Variants in TRIM24 observed in about 807,000 individuals in gnomAD.
TRIM24 encodes tripartite motif containing 24.
A neutral mutation model predicts 123.9 loss-of-function variants in TRIM24; 29 were observed. That is an observed-to-expected ratio of 0.23 (90% confidence interval 0.17 to 0.32). TRIM24 has a LOEUF of 0.32. TRIM24 is among the 10% of genes least tolerant of loss of function. The probability of loss-of-function intolerance (pLI) is 1.00; values close to 1 mark genes in which losing one functional copy is unlikely to be tolerated. For synonymous variants in TRIM24, 456 were observed against 461.1 expected, an observed-to-expected ratio of 0.99 and a Z score of 0.14; for missense variants, 932 against 1,295.3, an observed-to-expected ratio of 0.72 and a Z score of 4.31.
chr7:138,517,052 C>T (rs1170261957), intron 3 of TRIM24, among the ~76,000 whole-genome samples: 2 of 151,268 alleles, frequency 1.3e-5, no homozygotes, highest in Non-Finnish European at 1.5e-5. Context: ...CTGCAGTGAC[C>T]TGTGATAATT....
At chr7:138,551,678 C>G (rs1797216372) in intron 8 of TRIM24, among the ~76,000 whole-genome samples, 1 of 152,080 alleles carries the variant, frequency 6.6e-6, no homozygotes, top group Admixed American at 6.5e-5. Flanking sequence ...TGTCCTATTC[C>G]CTTAACCCCC....
chr7:138,558,445 A>C (rs1321611318), intron 9 of TRIM24, among the ~76,000 whole-genome samples: 1 of 152,160 alleles, frequency 6.6e-6, no homozygotes, highest in African/African-American at 2.4e-5. Flanking sequence ...GTCAGAGTAA[A>C]GTTACCTTGG....
At chr7:138,501,974 TTCTAGTACTGAAAAAAA>T (rs1796050048) in intron 1 of TRIM24, among the ~76,000 whole-genome samples, 1 of 152,168 alleles carries the variant, frequency 6.6e-6, no homozygotes, top group Non-Finnish European at 1.5e-5. Flanking sequence ...TGCTTTGTTT[TTCTAGTACTGAAAAAAA>T]AGGTACATCT....
chr7:138,535,205 GCCCAT>G lies in TRIM24; in HGVS notation c.997-3451_997-3447del, dbSNP rs1796841724. 5.3e-5 allele frequency among the ~76,000 whole-genome samples: 8 copies of G among 152,290 alleles called. No homozygotes were observed. In the South Asian group the frequency reaches 1.7e-3, roughly 32 times the overall value. On this transcript the variant is annotated intron_variant, in intron 6 of 18. Coordinates refer to ENST00000343526, the MANE Select transcript of TRIM24 (RefSeq NM_015905.3). Reference sequence around the variant, plus strand: ...CTGTGTGTTTTAATTGGAGCATTTAGCCCATTTACATTTAAGGTTAATATTGTTAT... The same window carrying G: ...CTGTGTGTTTTAATTGGAGCATTTAGTTACATTTAAGGTTAATATTGTTAT...
intron 2 of TRIM24, among the ~76,000 whole-genome samples, chr7:138,507,276 G>A (rs1796169857): frequency 6.6e-6 from 1 of 151,516 alleles, no homozygotes; most frequent in East Asian, 1.9e-4. Context: ...ATCAACTCTT[G>A]TTTTGTGCAT....
chr7:138,578,532 TTGTGTGTG>T (rs142839380), intron 14 of TRIM24, among the ~76,000 whole-genome samples: 55 of 146,890 alleles, frequency 3.7e-4, no homozygotes, highest in East Asian at 2.3e-3. Flanking sequence ...GGTGGTGGTT[TTGTGTGTG>T]TGTGTGTGTG....
At chr7:138,531,059 C>G (rs1022811466) in intron 6 of TRIM24, among the ~76,000 whole-genome samples, 6 of 152,094 alleles carry the variant, frequency 3.9e-5, no homozygotes, top group Non-Finnish European at 5.9e-5. Flanking sequence ...GAAACTGGGA[C>G]TACAAGCGAT....
intron 1 of TRIM24, among the ~76,000 whole-genome samples, chr7:138,496,373 C>T (rs1795905761): frequency 6.6e-6 from 1 of 152,210 alleles, no homozygotes; most frequent in Non-Finnish European, 1.5e-5. Flanking sequence ...TATACAATCA[C>T]ATCACCTGTG....
intron 2 of TRIM24, among the ~76,000 whole-genome samples, chr7:138,508,700 C>CGCGCGCGCGCGTGTGTGCGTGTGT (rs1182276337): frequency 3.7e-4 from 13 of 35,572 alleles, no homozygotes; most frequent in South Asian, 2.8e-3. Flanking sequence ...TGTGCGCGCG[C>CGCGCGCGCGCGTGTGTGCGTGTGT]GTGTGTGCGT....
chr7:138,483,999 C>A (rs1429973819), intron 1 of TRIM24, among the ~76,000 whole-genome samples: 1 of 152,090 alleles, frequency 6.6e-6, no homozygotes, highest in Non-Finnish European at 1.5e-5. Context: ...TTACCAGAAT[C>A]AAGGCAGTAC....
chr7:138,484,332 C>A (rs1449114952), intron 1 of TRIM24, among the ~76,000 whole-genome samples: 1 of 151,874 alleles, frequency 6.6e-6, no homozygotes, highest in African/African-American at 2.4e-5. Flanking sequence ...TGGTCTGGAA[C>A]TCTTACCCTC....
chr7:138,545,252 CACCAGCATGGTG>C (rs1160719868), intron 7 of TRIM24, among the ~76,000 whole-genome samples: 3 of 152,048 alleles, frequency 2.0e-5, no homozygotes, highest in Non-Finnish European at 4.4e-5. Flanking sequence ...GGCGTGGAGG[CACCAGCATGGTG>C]ACTGAGGTCA....
chr7:138,568,389 T>G (rs957812331), intron 10 of TRIM24, among the ~76,000 whole-genome samples: 70 of 132,900 alleles, frequency 5.3e-4, no homozygotes, highest in Non-Finnish European at 9.1e-4. Flanking sequence ...CTTTTTTTTT[T>G]TTTTTTTTTT....
At chr7:138,567,130 GGGTA>G (rs1475623929) in intron 9 of TRIM24, among the ~76,000 whole-genome samples, 1 of 152,154 alleles carries the variant, frequency 6.6e-6, no homozygotes, top group Non-Finnish European at 1.5e-5. Flanking sequence ...GGTTTCAAAA[GGGTA>G]GTTCTTTGTG....
intron 1 of TRIM24, 62 bp from the exon 2 acceptor site, chr7:138,504,228 G>A: frequency 9.6e-7 from 1 of 1,039,828 alleles, no homozygotes; most frequent in Middle Eastern, 2.2e-4. Context: ...AGTTTGAGAT[G>A]TATTGGTTAA....
At position 138,551,175 on chromosome 7, in the gene TRIM24, A is replaced by G; in HGVS notation, c.1256A>G (p.Asn419Ser). The change falls in exon 8 of 19, where the codon AAC becomes AGC. Residue 419 changes from asparagine (N) to serine (S), a missense_variant. By Grantham distance (46) the Asn-to-Ser change is conservative (BLOSUM62 1). Around this residue, in one of 7 missense-constraint regions of TRIM24, gnomAD observed 527 missense variants for 691.3 expected, o/e 0.76. Transcript: ENST00000343526. ...AGTTTCTGGGCTCAAAATATCATCA[A>G]CTTAGGTGGGCCATTACCATTACAT... ...DPSFWAQNII[N>S]LGSLVIEDKE... The G allele has an allele frequency of 6.2e-7, 1 of 1,611,404 alleles. No homozygotes were observed. Among genetic ancestry groups the G allele is most frequent in the East Asian group, 2.2e-5 (1 of 44,844 alleles).
chr7:138,537,379 G>GGT (rs1796905971), intron 6 of TRIM24, among the ~76,000 whole-genome samples: 2 of 56,642 alleles, frequency 3.5e-5, no homozygotes, highest in African/African-American at 1.4e-4. Context: ...ACCCCTGTTT[G>GGT]TTTTTTTTTT....
rs1296860229 is a variant in TRIM24 at position 138,586,521 on chromosome 7, T to TTA, written c.*1579_*1580dup. Reference sequence around the variant, plus strand: ...CTTGTTAGCAATAGATCCCCATTGTTTATATATATAGGTCTTGTTCATAAT... The same window carrying TTA: ...CTTGTTAGCAATAGATCCCCATTGTTTATATATATATAGGTCTTGTTCATAAT... On this transcript the variant is annotated 3_prime_UTR_variant, in exon 19 of 19. Transcript: ENST00000343526. 1 of 152,374 alleles carries TTA rather than the reference T, an allele frequency of 6.6e-6. No individual in the cohort carries two copies. The highest frequency in any genetic ancestry group is 2.4e-5 in the African/African-American group (1 of 41,424). 9.4% of individuals were successfully genotyped at this position (152,374 alleles called of 1,614,324 possible). A position where few individuals can be genotyped will look rare whatever the true frequency, so the allele number is the denominator to read the frequency against.
At chr7:138,488,259 G>A (rs752507197) in intron 1 of TRIM24, among the ~76,000 whole-genome samples, 1 of 150,212 alleles carries the variant, frequency 6.7e-6, no homozygotes, top group Non-Finnish European at 1.5e-5. Flanking sequence ...TCTTGGTAGT[G>A]TTCTATCTAT....
Sources: gnomAD v4.1 joint callset for allele counts (sites outside exome capture counted in the v4.1 genomes callset) on GRCh38, gnomAD v4.1.1 for gene constraint, gnomAD v4.1.1 regional missense constraint, MANE v1.5 for transcripts, NCBI Gene and HGNC (gene_info 2026-07-23, HGNC 2026-07-21) for gene names.